MYLK: variants seen among roughly 807,000 people sequenced by gnomAD.
MYLK encodes the protein myosin light chain kinase.
A neutral mutation model predicts 203.4 loss-of-function variants in MYLK; 106 were observed. The observed-to-expected ratio is 0.52, with a 90% CI of 0.45 to 0.61. The LOEUF (loss-of-function observed/expected upper bound fraction) is 0.61. Ranked by LOEUF, MYLK falls within the 20% of genes least tolerant of loss-of-function variation. The pLI is 0.00. For missense variants in MYLK, 2,072 were observed against 2,442.3 expected, an observed-to-expected ratio of 0.85 and a Z score of 3.20; for synonymous variants, 867 against 959.5, an observed-to-expected ratio of 0.90 and a Z score of 1.78.
chr3:123,735,966 C>A (rs189343576), intron 8 of MYLK, among the ~76,000 whole-genome samples: 18 of 152,098 alleles, frequency 1.2e-4, no homozygotes, highest in African/African-American at 4.1e-4. Flanking sequence ...TGTTTTCTTT[C>A]GTTTATTTGT....
intron 20 of MYLK, among the ~76,000 whole-genome samples, chr3:123,670,743 G>GA (rs1553790092): frequency 1.3e-5 from 2 of 151,658 alleles, no homozygotes; most frequent in Admixed American, 6.6e-5. Flanking sequence ...CCTTATCTCA[G>GA]AAAAAAAAGA....
chr3:123,709,128 C>G, intron 14 of MYLK: 1 of 331,612 alleles, frequency 3.0e-6, no homozygotes. Context: ...GGGAAGTTCT[C>G]ACATAATTTT....
chr3:123,760,101 T>C (rs1295852315), intron 4 of MYLK, among the ~76,000 whole-genome samples: 1 of 152,224 alleles, frequency 6.6e-6, no homozygotes, highest in East Asian at 1.9e-4. Flanking sequence ...AAGTTACTTA[T>C]TTGGCTCTGA....
chr3:123,699,938 G>T, intron 18 of MYLK, 82 bp downstream of exon 18: 1 of 1,587,788 alleles, frequency 6.3e-7, no homozygotes. Flanking sequence ...TGCTAACAGG[G>T]GTCAGCGAGA....
At chr3:123,864,933 C>T (rs2032224718) in intron 2 of MYLK, among the ~76,000 whole-genome samples, 1 of 152,050 alleles carries the variant, frequency 6.6e-6, no homozygotes, top group Non-Finnish European at 1.5e-5. Flanking sequence ...TTTTTTGTCA[C>T]CTCTCACATG....
intron 21 of MYLK, 94 bp downstream of exon 21, chr3:123,667,043 G>A: frequency 6.8e-6 from 8 of 1,178,280 alleles, no homozygotes; most frequent in Non-Finnish European, 1.0e-5. Flanking sequence ...GTGTCTCCTG[G>A]GATCACATAC....
At chr3:123,791,854 C>T (rs2064795426) in intron 4 of MYLK, among the ~76,000 whole-genome samples, 1 of 151,484 alleles carries the variant, frequency 6.6e-6, no homozygotes, top group East Asian at 1.9e-4. Context: ...TAAATTTCAA[C>T]TCCTTAAGAA....
rs371724615 is a variant in MYLK at position 123,649,075 on chromosome 3, C to T, written c.4322-11G>A. 48 of 1,614,136 alleles carry T rather than the reference C, an allele frequency of 3.0e-5. No homozygotes were observed. The African/African-American group carries it at 4.3e-4, about 14-fold the overall frequency. ...CGGGCTCCTTCTCATCTGTGGGGCA[C>T]AGGTCAGGGTTGGTGTGAGTCTCAG... On this transcript the variant is annotated splice_polypyrimidine_tract_variant and intron_variant, in intron 25 of 33. Coordinates refer to ENST00000360304, the MANE Select transcript of MYLK (RefSeq NM_053025.4).
Position 123,701,397 on chromosome 3 carries a change from TG to T in MYLK, c.2462+40del, listed in dbSNP as rs747707713. The T allele has an allele frequency of 1.9e-5, 31 of 1,600,324 alleles. No homozygotes were observed. The East Asian group carries it at 5.6e-4, about 29-fold the overall frequency. The stretch of plus-strand genomic sequence containing the variant: ...GCCGGGGCCAGGAGGAAGGTGGGGA[TG>T]GGGGCATGGCCTGGAGGGGCAGCTC... On this transcript the variant is annotated intron_variant, in intron 17 of 33. Transcript: ENST00000360304.
At chr3:123,649,954 C>T (rs1560016867) in intron 24 of MYLK, among the ~76,000 whole-genome samples, 2 of 152,084 alleles carry the variant, frequency 1.3e-5, no homozygotes. Context: ...CAAATGAAAC[C>T]AATAGGTATT....
At chr3:123,746,001 G>A (rs1232747241) in intron 5 of MYLK, among the ~76,000 whole-genome samples, 1 of 151,896 alleles carries the variant, frequency 6.6e-6, no homozygotes, top group African/African-American at 2.4e-5. Context: ...GGGATTATAG[G>A]CACCCACCAC....
At chr3:123,673,668 C>T (rs1048189427) in intron 20 of MYLK, among the ~76,000 whole-genome samples, 1 of 152,202 alleles carries the variant, frequency 6.6e-6, no homozygotes, top group Non-Finnish European at 1.5e-5. Context: ...TACTCCCTGG[C>T]TCACTAACTA....
intron 2 of MYLK, among the ~76,000 whole-genome samples, chr3:123,852,862 T>G (rs2030973061): frequency 6.6e-6 from 1 of 152,276 alleles, no homozygotes; most frequent in South Asian, 2.1e-4. Flanking sequence ...AGATGGAATA[T>G]AGAAGGTCCA....
intron 4 of MYLK, among the ~76,000 whole-genome samples, chr3:123,785,195 G>A (rs559033923): frequency 1.3e-4 from 20 of 152,266 alleles, no homozygotes; most frequent in East Asian, 1.9e-4. Flanking sequence ...TCCCTCTCAC[G>A]TTTTTAGCGC....
Position 123,657,447 on chromosome 3 carries a change from A to G in MYLK, c.3986-19T>C. The G allele has an allele frequency of 3.1e-6, 5 of 1,611,978 alleles. No homozygotes were observed. The South Asian group carries it at 5.5e-5, about 18-fold the overall frequency. Reference sequence around the variant, plus strand: ...GGCTTATCTGGGGATAAAGAAGCACAACATCACCCACACTTTCCAGAATTG... The same window carrying G: ...GGCTTATCTGGGGATAAAGAAGCACGACATCACCCACACTTTCCAGAATTG... On this transcript the variant is annotated intron_variant, in intron 23 of 33. Transcript: ENST00000360304.
Position 123,629,173 on chromosome 3 carries a change from A to G in MYLK, c.5114+301T>C, listed in dbSNP as rs1374070710. 6.6e-6 allele frequency among the ~76,000 whole-genome samples: 1 copy of G among 152,156 alleles called. No individual in the cohort carries two copies. Among genetic ancestry groups the G allele is most frequent in the Non-Finnish European group, 1.5e-5 (1 of 68,028 alleles). On this transcript the variant is annotated intron_variant, in intron 30 of 33. Transcript: ENST00000360304. This position sits in a 1 kb window ranked among gnomAD's most constrained non-coding sequence, Gnocchi z 4.4. ...AAAATAAGAAGGGTGGTCATTATTC[A>G]CACAGAACAGCTGCCCCTTGCTCTG...
intron 18 of MYLK, among the ~76,000 whole-genome samples, chr3:123,699,330 C>G (rs562892550): frequency 6.6e-6 from 1 of 152,102 alleles, no homozygotes; most frequent in Admixed American, 6.5e-5. Context: ...GGATTTGGGG[C>G]CCCCCTCCTC....
Position 123,613,475 on chromosome 3 carries a change from G to A in MYLK, c.*630C>T, listed in dbSNP as rs1312335397. 3 of 153,072 alleles carry A rather than the reference G, an allele frequency of 2.0e-5. No homozygotes were observed. Among genetic ancestry groups the A allele is most frequent in the African/African-American group, 7.2e-5 (3 of 41,394 alleles). 9.5% of individuals were successfully genotyped at this position (153,072 alleles called of 1,614,324 possible). ...GGAAGCCAGAGTCATCCATGAGCAG[G>A]GACCTGTCTTCAGAATCGAAGAAGC... On this transcript the variant is annotated 3_prime_UTR_variant, in exon 34 of 34. Coordinates refer to ENST00000360304, the MANE Select transcript of MYLK (RefSeq NM_053025.4).
intron 21 of MYLK, chr3:123,666,774 C>A (rs2059748435): frequency 1.9e-6 from 1 of 519,136 alleles, no homozygotes; most frequent in Non-Finnish European, 3.5e-6. Context: ...CAAGGACACA[C>A]AGAGCTGGGC....
Sources: allele counts gnomAD v4.1 joint callset (sites outside exome capture counted in the v4.1 genomes callset), GRCh38; gene constraint gnomAD v4.1.1; non-coding constraint Gnocchi (gnomAD v3.1); transcripts MANE v1.5; gene names NCBI Gene and HGNC (gene_info 2026-07-23, HGNC 2026-07-21).